CTBP2: variants seen among roughly 807,000 people sequenced by gnomAD.
CTBP2 encodes C-terminal-binding protein 2.
A neutral mutation model predicts 80.3 loss-of-function variants in CTBP2; 30 were observed. The observed-to-expected ratio is 0.37, with a 90% CI of 0.28 to 0.51. CTBP2 has a LOEUF of 0.51. Ranked by LOEUF, CTBP2 falls within the 20% of genes least tolerant of loss-of-function variation. The pLI is 0.93. For missense variants in CTBP2, 1,212 were observed against 1,375.3 expected (o/e 0.88, Z 1.88); for synonymous variants, 594 against 587.4 (o/e 1.01, Z -0.16).
chr10:125,144,591 T>C (rs908065006), intron 1 of CTBP2, among the ~76,000 whole-genome samples: 23 of 152,126 alleles, frequency 1.5e-4, no homozygotes, highest in African/African-American at 5.6e-4. Context: ...CAGGTATCAC[T>C]CCCAAATCCG....
chr10:125,023,386 G>A (rs750827104), intron 1 of CTBP2, among the ~76,000 whole-genome samples: 15 of 152,226 alleles, frequency 9.9e-5, no homozygotes, highest in African/African-American at 2.9e-4. Context: ...GAAAATGGCC[G>A]CAGCCCCATT....
intron 2 of CTBP2, among the ~76,000 whole-genome samples, chr10:125,103,718 G>A (rs929490757): frequency 3.9e-5 from 6 of 152,122 alleles, no homozygotes; most frequent in African/African-American, 9.7e-5. Context: ...TCCCACCACC[G>A]CGGAAGTGGG....
chr10:125,059,575 T>A (rs892325569), intron 2 of CTBP2, among the ~76,000 whole-genome samples: 2 of 152,146 alleles, frequency 1.3e-5, no homozygotes, highest in Admixed American at 6.5e-5. Flanking sequence ...ATGATTTAGA[T>A]GGAATTTACT....
chr10:125,059,288 A>T (rs1964530830), intron 2 of CTBP2, among the ~76,000 whole-genome samples: 1 of 152,130 alleles, frequency 6.6e-6, no homozygotes, highest in African/African-American at 2.4e-5. Context: ...CACTTCAGAA[A>T]TGTGAATTGA....
At position 125,027,037 on chromosome 10, in the gene CTBP2, G is replaced by A. The variant is rs374992459; in HGVS notation, c.723C>T (p.Ala241=). Residue 241 remains alanine (A), a synonymous_variant, in exon 1 of 9, where the codon GCC becomes GCT. Transcript: ENST00000309035. ...GGGCCACCCCTGTGCTGCCTTCGGGGGCAGCAGCTGAACTGGGGTCCACAA... is the reference window on the plus strand; with the variant it reads ...GGGCCACCCCTGTGCTGCCTTCGGGAGCAGCAGCTGAACTGGGGTCCACAA... 3.7e-6 allele frequency: 6 copies of A among 1,613,446 alleles called. No homozygotes were observed. In the African/African-American group the frequency reaches 8.0e-5, roughly 22 times the overall value.
At chr10:125,004,210 T>C (rs1954928837) in intron 1 of CTBP2, among the ~76,000 whole-genome samples, 2 of 151,928 alleles carry the variant, frequency 1.3e-5, no homozygotes, top group South Asian at 4.1e-4. Flanking sequence ...AAGTACAAAT[T>C]CTCTAGCAAC....
intron 1 of CTBP2, among the ~76,000 whole-genome samples, chr10:125,129,116 G>A (rs536880042): frequency 3.0e-4 from 45 of 152,278 alleles, no homozygotes; most frequent in African/African-American, 1.1e-3. Flanking sequence ...TATATGCTGT[G>A]TATAATGTAC....
intron 1 of CTBP2, among the ~76,000 whole-genome samples, chr10:125,116,023 C>A (rs1853206969): frequency 6.6e-6 from 1 of 152,142 alleles, no homozygotes; most frequent in Non-Finnish European, 1.5e-5. Flanking sequence ...CTCCTGGATC[C>A]TTTCAACAGG....
intron 2 of CTBP2, among the ~76,000 whole-genome samples, chr10:125,090,164 A>C (rs1848549715): frequency 6.6e-6 from 1 of 151,830 alleles, no homozygotes. Context: ...CACTTAATAG[A>C]GGGATAGGGG....
At chr10:125,144,942 G>A (rs1353968540) in intron 1 of CTBP2, among the ~76,000 whole-genome samples, 2 of 152,124 alleles carry the variant, frequency 1.3e-5, no homozygotes, top group African/African-American at 2.4e-5. Context: ...ATCTGAATAC[G>A]GAACTAGCTC....
In CTBP2 at chr10:125,157,275, C is replaced by CATT. The variant is rs149578111; in HGVS notation, c.-206+3041_-206+3043dup. ...CTGCCCCTCCCCGCAGGAGAACACC[C>CATT]ATTCAAGGGTCAGTTTCAAAGCTCC... is the stretch of plus-strand genomic sequence containing the variant. On this transcript the variant is annotated intron_variant, in intron 1 of 10. Coordinates refer to the CTBP2 transcript ENST00000337195. Among the ~76,000 whole-genome samples, 169 of 152,044 alleles carry CATT rather than the reference C, an allele frequency of 1.1e-3. 1 individual carries two copies. Among genetic ancestry groups the CATT allele is most frequent in the African/African-American group, 3.8e-3 (157 of 41,430 alleles).
intron 2 of CTBP2, among the ~76,000 whole-genome samples, chr10:125,075,699 T>C (rs539827126): frequency 1.3e-5 from 2 of 152,206 alleles, no homozygotes; most frequent in South Asian, 2.1e-4. Flanking sequence ...TGAAAAGGTA[T>C]CTAATATGCA....
intron 2 of CTBP2, among the ~76,000 whole-genome samples, chr10:125,080,722 T>C (rs961799395): frequency 6.6e-6 from 1 of 152,172 alleles, no homozygotes; most frequent in African/African-American, 2.4e-5. Flanking sequence ...CCATGGCCCA[T>C]CTGGAAGGGC....
At chr10:125,054,669 A>G (rs1266979755) in intron 2 of CTBP2, among the ~76,000 whole-genome samples, 1 of 152,238 alleles carries the variant, frequency 6.6e-6, no homozygotes, top group Admixed American at 6.5e-5. Context: ...CCCTTTACAC[A>G]AACTATCACA....
rs1292686532 is a variant in CTBP2 at position 125,066,228 on chromosome 10, ATGGCTAGG to A, written c.-101-27081_-101-27074del. Among the ~76,000 whole-genome samples the A allele has an allele frequency of 2.0e-5, 3 of 152,080 alleles. No individual in the cohort carries two copies. Among genetic ancestry groups the A allele is most frequent in the Non-Finnish European group, 4.4e-5 (3 of 68,008 alleles). ...CATCACAGCTTCTGTTAACATGGCGATGGCTAGGCACAGGCAGCCACCCCTCTACCAAG... is the reference window on the plus strand; with the variant it reads ...CATCACAGCTTCTGTTAACATGGCGACACAGGCAGCCACCCCTCTACCAAG... On this transcript the variant is annotated intron_variant, in intron 2 of 10. Coordinates refer to the CTBP2 transcript ENST00000337195. This position sits in a 1 kb window ranked among gnomAD's most constrained non-coding sequence, Gnocchi z 4.1.
chr10:125,018,483 C>T (rs896183645), intron 1 of CTBP2, among the ~76,000 whole-genome samples: 3 of 150,766 alleles, frequency 2.0e-5, no homozygotes, highest in Admixed American at 6.6e-5. Flanking sequence ...GAGCAAGACT[C>T]TGTCTCAAAA....
At chr10:125,098,682 G>GAGAGACAGAGAGAC (rs1850005805) in intron 2 of CTBP2, among the ~76,000 whole-genome samples, 2 of 137,808 alleles carry the variant, frequency 1.5e-5, no homozygotes, top group Non-Finnish European at 1.6e-5. Context: ...GAGAGAGAGA[G>GAGAGACAGAGAGAC]AGAGAGAGAG....
At chr10:125,023,043 C>T (rs1295206608) in intron 1 of CTBP2, among the ~76,000 whole-genome samples, 1 of 152,208 alleles carries the variant, frequency 6.6e-6, no homozygotes, top group Non-Finnish European at 1.5e-5. Context: ...CGAAAAGAAG[C>T]CATGAGAGTG....
chr10:125,133,410 A>T (rs1565001005), intron 1 of CTBP2: 2 of 152,264 alleles, frequency 1.3e-5, no homozygotes, highest in African/African-American at 4.8e-5. Context: ...AGTAGAGCCC[A>T]GGTTAAAATC....
Sources: allele counts gnomAD v4.1 joint callset (sites outside exome capture counted in the v4.1 genomes callset), GRCh38; gene constraint gnomAD v4.1.1; non-coding constraint Gnocchi (gnomAD v3.1); transcripts MANE v1.5; gene names NCBI Gene and HGNC (gene_info 2026-07-23, HGNC 2026-07-21).